TAFA2: variants seen among roughly 807,000 people sequenced by gnomAD.
The protein encoded by TAFA2 is TAFA chemokine like family member 2.
A neutral mutation model predicts 18.8 loss-of-function variants in TAFA2; 7 were observed. The ratio of observed to expected loss-of-function variants is 0.37; its 90% CI spans 0.21 to 0.70. The LOEUF is 0.70. TAFA2 is among the 30% of genes least tolerant of loss of function. The pLI is 0.53. For synonymous variants in TAFA2, 60 were observed against 54.2 expected (o/e 1.11, Z -0.47); for missense variants, 122 against 158.1 (o/e 0.77, Z 1.23).
At chr12:61,864,394 T>C (rs892169917) in intron 2 of TAFA2, among the ~76,000 whole-genome samples, 1 of 148,782 alleles carries the variant, frequency 6.7e-6, no homozygotes, top group Non-Finnish European at 1.5e-5. Context: ...TAGAAATATA[T>C]GGTGTGTATA....
In TAFA2 at chr12:61,814,174, G is replaced by A. The variant is rs144485592; in HGVS notation, c.106+53146C>T. Among the ~76,000 whole-genome samples the A allele has an allele frequency of 8.8e-4, 133 of 151,520 alleles. 3 individuals carry two copies. Among genetic ancestry groups the A allele is most frequent in the African/African-American group, 3.0e-3 (124 of 40,838 alleles). On this transcript the variant is annotated intron_variant, in intron 2 of 4. Transcript: ENST00000416284. The stretch of plus-strand genomic sequence containing the variant: ...CTTCACCAAGAGAAATGGGGAAAGA[G>A]GCAGCCAGCTGAGAAATTTGAAGAA...
At chr12:61,972,602 G>A (rs1200165434) in intron 1 of TAFA2, among the ~76,000 whole-genome samples, 1 of 151,714 alleles carries the variant, frequency 6.6e-6, no homozygotes, top group Non-Finnish European at 1.5e-5. Context: ...ATGGGGAAAG[G>A]ACTAAGCAGT....
intron 1 of TAFA2, among the ~76,000 whole-genome samples, chr12:61,983,728 A>G (rs902668273): frequency 1.3e-5 from 2 of 152,156 alleles, no homozygotes; most frequent in African/African-American, 4.8e-5. Flanking sequence ...CACTTTAAGA[A>G]TCAGAGAAGT....
At chr12:62,062,367 T>G (rs1224650525) in intron 1 of TAFA2, among the ~76,000 whole-genome samples, 2 of 152,162 alleles carry the variant, frequency 1.3e-5, no homozygotes, top group African/African-American at 4.8e-5. Flanking sequence ...GGCGTAAGAC[T>G]AATAATACTG....
chr12:61,818,643 C>T (rs1872193948), intron 2 of TAFA2, among the ~76,000 whole-genome samples: 1 of 152,102 alleles, frequency 6.6e-6, no homozygotes, highest in African/African-American at 2.4e-5. Context: ...TGCAGCATCA[C>T]TCTTCCTTAC....
chr12:61,998,340 C>G (rs1416916912), intron 1 of TAFA2, among the ~76,000 whole-genome samples: 1 of 151,908 alleles, frequency 6.6e-6, no homozygotes, highest in Non-Finnish European at 1.5e-5. Flanking sequence ...TTTTAAACAC[C>G]TTTTGCATGT....
chr12:62,201,010 A>G (rs2062668565), intron 1 of TAFA2, among the ~76,000 whole-genome samples: 1 of 152,080 alleles, frequency 6.6e-6, no homozygotes, highest in African/African-American at 2.4e-5. Flanking sequence ...AACAATTGTA[A>G]TGGGAATTCA....
At chr12:61,734,823 C>CAGTGGTAA (rs1258495419) in intron 4 of TAFA2, among the ~76,000 whole-genome samples, 3 of 151,938 alleles carry the variant, frequency 2.0e-5, no homozygotes, top group Admixed American at 1.3e-4. Flanking sequence ...GTGTACAGTT[C>CAGTGGTAA]AGTGGTAATA....
At chr12:61,787,230 T>C (rs1291200840) in intron 2 of TAFA2, among the ~76,000 whole-genome samples, 1 of 151,482 alleles carries the variant, frequency 6.6e-6, no homozygotes, top group Non-Finnish European at 1.5e-5. Context: ...CCTTCATAAA[T>C]GAAAGAGAAT....
intron 2 of TAFA2, among the ~76,000 whole-genome samples, chr12:61,792,677 T>TAC (rs1871031946): frequency 6.6e-6 from 1 of 151,472 alleles, no homozygotes; most frequent in Non-Finnish European, 1.5e-5. Flanking sequence ...GCAAATAATA[T>TAC]TAACAGAGAT....
intron 1 of TAFA2, among the ~76,000 whole-genome samples, chr12:61,916,914 T>G (rs534021913): frequency 6.6e-6 from 1 of 152,362 alleles, no homozygotes; most frequent in South Asian, 2.1e-4. Context: ...AGATACTTCA[T>G]GGAAATGTAT....
At chr12:61,941,138 C>A (rs1303366257) in intron 1 of TAFA2, among the ~76,000 whole-genome samples, 3 of 151,878 alleles carry the variant, frequency 2.0e-5, no homozygotes, top group Non-Finnish European at 4.4e-5. Context: ...TGATGAAAAT[C>A]CAGACTCTGA....
At chr12:61,813,345 TCTTA>T (rs1332704991) in intron 2 of TAFA2, among the ~76,000 whole-genome samples, 2 of 151,456 alleles carry the variant, frequency 1.3e-5, no homozygotes, top group Non-Finnish European at 2.9e-5. Flanking sequence ...TGTATCTTTT[TCTTA>T]CTTATTTTTT....
intron 1 of TAFA2, among the ~76,000 whole-genome samples, chr12:61,889,045 T>C (rs1332221542): frequency 6.6e-6 from 1 of 152,120 alleles, no homozygotes; most frequent in African/African-American, 2.4e-5. Flanking sequence ...TGAGTGAGCT[T>C]AGGAAAGTTA....
chr12:61,997,636 G>A (rs1880242451), intron 1 of TAFA2, among the ~76,000 whole-genome samples: 1 of 152,058 alleles, frequency 6.6e-6, no homozygotes, highest in African/African-American at 2.4e-5. Flanking sequence ...ATTCACTGTG[G>A]GAGGGCAAGA....
At chr12:62,237,207 T>C (rs1477278899) in intron 1 of TAFA2, among the ~76,000 whole-genome samples, 1 of 152,206 alleles carries the variant, frequency 6.6e-6, no homozygotes, top group Non-Finnish European at 1.5e-5. Flanking sequence ...AATTCTTTTT[T>C]CACATGATCC....
chr12:61,869,641 A>G (rs1874508827), intron 1 of TAFA2, among the ~76,000 whole-genome samples: 1 of 152,208 alleles, frequency 6.6e-6, no homozygotes, highest in Non-Finnish European at 1.5e-5. Context: ...ACAGTGTAAC[A>G]GAGCACACTA....
At chr12:62,193,257 C>A (rs2062635289), upstream of TAFA2, among the ~76,000 whole-genome samples, 1 of 152,062 alleles carries the variant, frequency 6.6e-6, no homozygotes, top group South Asian at 2.1e-4. Flanking sequence ...AAATCTGAAA[C>A]AAAGAAAGGG....
intron 1 of TAFA2, among the ~76,000 whole-genome samples, chr12:62,067,478 A>T (rs1882520732): frequency 6.6e-6 from 1 of 151,854 alleles, no homozygotes; most frequent in Non-Finnish European, 1.5e-5. Context: ...ATCCACTTTT[A>T]TTTGGTTTTT....
Sources: gnomAD v4.1 joint callset for allele counts (sites outside exome capture counted in the v4.1 genomes callset) on GRCh38, gnomAD v4.1.1 for gene constraint, MANE v1.5 for transcripts, NCBI Gene and HGNC (gene_info 2026-07-23, HGNC 2026-07-21) for gene names.